DTNB: variants seen among roughly 807,000 people sequenced by gnomAD.
DTNB encodes dystrobrevin beta.
A neutral mutation model predicts 90.7 loss-of-function variants in DTNB; 63 were observed. That is an observed-to-expected ratio of 0.69 (90% CI 0.57 to 0.86). DTNB has a LOEUF of 0.86. Ranked by LOEUF, DTNB falls within the 40% of genes least tolerant of loss-of-function variation. The pLI is 0.00. For missense variants in DTNB, 744 were observed against 807.1 expected (o/e 0.92, Z 0.95); for synonymous variants, 277 against 286.7 (o/e 0.97, Z 0.34).
At chr2:25,466,366 A>G (rs2061780070) in intron 10 of DTNB, among the ~76,000 whole-genome samples, 1 of 152,170 alleles carries the variant, frequency 6.6e-6, no homozygotes, top group South Asian at 2.1e-4. Flanking sequence ...GAAGTACTTA[A>G]GTGTAAAGAG....
chr2:25,641,940 C>A (rs112871186), intron 2 of DTNB, among the ~76,000 whole-genome samples: 63 of 152,298 alleles, frequency 4.1e-4, no homozygotes, highest in African/African-American at 1.4e-3. Context: ...CCTGCCTCAG[C>A]CTCCCGAGTA....
chr2:25,548,003 A>C (rs1572406944), intron 8 of DTNB, among the ~76,000 whole-genome samples: 1 of 152,232 alleles, frequency 6.6e-6, no homozygotes, highest in Non-Finnish European at 1.5e-5. Flanking sequence ...TCTGTACCCC[A>C]TATCAGTTTT....
At chr2:25,543,926 T>C (rs2081901474) in intron 8 of DTNB, among the ~76,000 whole-genome samples, 1 of 152,188 alleles carries the variant, frequency 6.6e-6, no homozygotes. Context: ...TGTTAACATA[T>C]AGGCACAGAA....
intron 5 of DTNB, among the ~76,000 whole-genome samples, chr2:25,597,260 G>A (rs2064840444): frequency 6.6e-6 from 1 of 151,822 alleles, no homozygotes; most frequent in African/African-American, 2.4e-5. Flanking sequence ...GAGCCCAGGA[G>A]GTCAAGACTA....
At chr2:25,468,065 C>G (rs1278006327) in intron 10 of DTNB, among the ~76,000 whole-genome samples, 1 of 152,108 alleles carries the variant, frequency 6.6e-6, no homozygotes, top group African/African-American at 2.4e-5. Flanking sequence ...ATGCCAATAT[C>G]TGAGAGGAGT....
intron 4 of DTNB, among the ~76,000 whole-genome samples, chr2:25,608,593 T>C (rs1162453320): frequency 6.6e-6 from 1 of 152,194 alleles, no homozygotes; most frequent in East Asian, 1.9e-4. Flanking sequence ...ATCTACTGCA[T>C]TATGTAAGAA....
At position 25,461,720 on chromosome 2, in the gene DTNB, A is replaced by G. The variant is rs116368187; in HGVS notation, c.1080-6226T>C. On this transcript the variant is annotated intron_variant, in intron 10 of 20. Coordinates refer to ENST00000406818, the MANE Select transcript of DTNB (RefSeq NM_021907.5). Reference sequence around the variant, plus strand: ...GAAGACACCACAGTAAACAAAACCCAGACATGGCTGCTGCTAACAACACTC... The same window carrying G: ...GAAGACACCACAGTAAACAAAACCCGGACATGGCTGCTGCTAACAACACTC... Among the ~76,000 whole-genome samples, 875 of 152,360 alleles carry G rather than the reference A, an allele frequency of 5.7e-3. 10 individuals are homozygous for G. Among genetic ancestry groups the G allele is most frequent in the African/African-American group, 0.02 (835 of 41,586 alleles).
chr2:25,423,059 G>A (rs757433099), intron 15 of DTNB, among the ~76,000 whole-genome samples: 11 of 152,204 alleles, frequency 7.2e-5, no homozygotes, highest in Middle Eastern at 3.4e-3. Flanking sequence ...TTGTGGTGGC[G>A]GGTGCCTGTA....
rs554847465 is a variant in DTNB, at chr2:25,386,584, T to A, written c.1825+705A>T. On this transcript the variant is annotated intron_variant, in intron 18 of 20. Coordinates refer to ENST00000406818, the MANE Select transcript of DTNB (RefSeq NM_021907.5). ...GGCCCCTACGTAACTGGTAGAGTCA[T>A]GGGGATTCCTGGAGATAGGAGGATA... 3.3e-5 allele frequency among the ~76,000 whole-genome samples: 5 copies of A among 152,164 alleles called. No homozygotes were observed. In the South Asian group the frequency reaches 8.3e-4, roughly 25 times the overall value.
intron 1 of DTNB, chr2:25,652,980 A>C (rs1378785464): frequency 4.7e-6 from 1 of 210,672 alleles, no homozygotes; most frequent in African/African-American, 2.3e-5. Context: ...GTAACTTCCC[A>C]TATCTCTACT....
At chr2:25,569,823 C>A (rs957527938) in intron 8 of DTNB, among the ~76,000 whole-genome samples, 3 of 152,084 alleles carry the variant, frequency 2.0e-5, no homozygotes, top group Admixed American at 6.5e-5. Flanking sequence ...GGTGGCCGGG[C>A]GTGGTGGCTC....
chr2:25,505,283 G>A lies in DTNB; in HGVS notation c.1002-22410C>T, dbSNP rs570411261. On this transcript the variant is annotated intron_variant, in intron 9 of 20. Coordinates refer to ENST00000406818, the MANE Select transcript of DTNB (RefSeq NM_021907.5). ...CTCCACTCAAGGCCTCCTCTGTCAC[G>A]ATTTCTCTCACATGTCCATACAAAG... is the stretch of plus-strand genomic sequence containing the variant. 2.7e-4 allele frequency among the ~76,000 whole-genome samples: 41 copies of A among 152,178 alleles called. 1 individual carries two copies. In the South Asian group the frequency reaches 5.8e-3, roughly 22 times the overall value.
At chr2:25,445,583 C>T (rs2058281559) in intron 12 of DTNB, among the ~76,000 whole-genome samples, 1 of 152,196 alleles carries the variant, frequency 6.6e-6, no homozygotes, top group Non-Finnish European at 1.5e-5. Context: ...TTAATATGGT[C>T]CTGCATGAGC....
intron 8 of DTNB, among the ~76,000 whole-genome samples, chr2:25,571,197 T>C (rs1205807717): frequency 2.6e-5 from 4 of 152,218 alleles, no homozygotes; most frequent in African/African-American, 9.6e-5. Flanking sequence ...AATTCAATCC[T>C]TTTTACAACC....
Position 25,635,362 on chromosome 2 carries a change from G to C in DTNB, c.148+3652C>G, listed in dbSNP as rs539821447. On this transcript the variant is annotated intron_variant, in intron 3 of 20. Coordinates refer to ENST00000406818, the MANE Select transcript of DTNB (RefSeq NM_021907.5). The stretch of plus-strand genomic sequence containing the variant: ...AGGAGAATCAAACCTAGGAGGCGGA[G>C]GTTGCAGTGAGCCAAGATTGCGCCA... Among the ~76,000 whole-genome samples, 21 of 152,274 alleles carry C rather than the reference G, an allele frequency of 1.4e-4. No individual in the cohort carries two copies. The East Asian group carries it at 4.1e-3, about 29-fold the overall frequency.
At chr2:25,569,506 T>G (rs1343305427) in intron 8 of DTNB, among the ~76,000 whole-genome samples, 1 of 152,112 alleles carries the variant, frequency 6.6e-6, no homozygotes, top group Non-Finnish European at 1.5e-5. Flanking sequence ...GAAATGAACA[T>G]GCCTAGATCA....
At chr2:25,454,820 T>C (rs967008298) in intron 11 of DTNB, among the ~76,000 whole-genome samples, 1 of 152,178 alleles carries the variant, frequency 6.6e-6, no homozygotes, top group Non-Finnish European at 1.5e-5. Flanking sequence ...TTATAATACA[T>C]GTAACTATTA....
chr2:25,461,896 C>T (rs779979920), intron 10 of DTNB, among the ~76,000 whole-genome samples: 4 of 152,194 alleles, frequency 2.6e-5, no homozygotes, highest in African/African-American at 4.8e-5. Context: ...AGTACAACGA[C>T]CACAGAGCTA....
chr2:25,561,280 C>T (rs370451357), intron 8 of DTNB, among the ~76,000 whole-genome samples: 1 of 152,170 alleles, frequency 6.6e-6, no homozygotes, highest in South Asian at 2.1e-4. Flanking sequence ...CTTCGTCATA[C>T]TTTTCTATCA....
Sources: allele counts gnomAD v4.1 joint callset (sites outside exome capture counted in the v4.1 genomes callset), GRCh38; gene constraint gnomAD v4.1.1; transcripts MANE v1.5; gene names NCBI Gene and HGNC (gene_info 2026-07-23, HGNC 2026-07-21).